Variants in UBE3B observed in about 807,000 individuals in gnomAD.
The protein encoded by UBE3B is ubiquitin protein ligase E3B, also known as ubiquitin-protein ligase E3B.
A neutral mutation model predicts 132.3 loss-of-function variants in UBE3B; 80 were observed. The ratio of observed to expected loss-of-function variants is 0.60; its 90% CI spans 0.50 to 0.73. The LOEUF is 0.73. Among genes scored for constraint, UBE3B ranks in the 30% least tolerant of loss-of-function variants. The pLI, the probability that UBE3B is intolerant of heterozygous loss-of-function variation, is 0.00. For missense variants in UBE3B, 1,196 were observed against 1,362.5 expected (o/e 0.88, Z 1.92); for synonymous variants, 487 against 520.4 (o/e 0.94, Z 0.87).
chr12:109,502,983 G>T (rs763349602), intron 13 of UBE3B, 40 bp from the exon 14 acceptor site: 12 of 1,612,628 alleles, frequency 7.4e-6, no homozygotes, highest in Non-Finnish European at 9.3e-6. Context: ...TTGGCAGCTG[G>T]CTGAGCTGCT....
At chr12:109,516,197 A>C (rs1296481728) in intron 18 of UBE3B, among the ~76,000 whole-genome samples, 1 of 113,652 alleles carries the variant, frequency 8.8e-6, no homozygotes, top group Non-Finnish European at 1.7e-5. Flanking sequence ...TTTGAGACAG[A>C]GTCTCACTCT....
rs771090476 is a variant in UBE3B, at chr12:109,497,923, G to A, written c.819G>A (p.Glu273=). The A allele has an allele frequency of 1.9e-6, 3 of 1,614,082 alleles. No homozygotes were observed. Among genetic ancestry groups the A allele is most frequent in the South Asian group, 1.1e-5 (1 of 91,082 alleles). Reference sequence around the variant, plus strand: ...CTCATCTCAGCACAGTGACCCCTGAGGTAAGCAGGCTCTGTGAGTTCCCCG... The same window carrying A: ...CTCATCTCAGCACAGTGACCCCTGAAGTAAGCAGGCTCTGTGAGTTCCCCG... ...LVTHLSTVTP[E]RLTVLESHDM... The change falls in exon 10 of 28, where the codon GAG becomes GAA. Residue 273 remains glutamate (E), a splice_region_variant and synonymous_variant. Coordinates refer to ENST00000342494, the MANE Select transcript of UBE3B (RefSeq NM_130466.4).
downstream of UBE3B, among the ~76,000 whole-genome samples, chr12:109,541,359 A>T (rs142614983): frequency 3.0e-3 from 451 of 151,976 alleles, 2 homozygotes; most frequent in African/African-American, 0.01. Flanking sequence ...GGATCACCAC[A>T]CCCACCCTCA....
intron 14 of UBE3B, among the ~76,000 whole-genome samples, chr12:109,504,920 C>T (rs1408890274): frequency 6.6e-6 from 1 of 152,074 alleles, no homozygotes; most frequent in Non-Finnish European, 1.5e-5. Flanking sequence ...ATTCTCCTGC[C>T]TCAGCCTCCC....
At chr12:109,493,531 A>G (rs1159891510) in intron 9 of UBE3B, among the ~76,000 whole-genome samples, 2 of 152,220 alleles carry the variant, frequency 1.3e-5, no homozygotes, top group Admixed American at 6.5e-5. Context: ...CTCTGTATGT[A>G]TTAGATTCCA....
At chr12:109,523,452 C>T (rs1038468292) in intron 21 of UBE3B, among the ~76,000 whole-genome samples, 1 of 152,234 alleles carries the variant, frequency 6.6e-6, no homozygotes, top group Non-Finnish European at 1.5e-5. Context: ...CCATTGCTTC[C>T]GTGCCCTCCA....
chr12:109,539,420 A>G (rs564911605), downstream of UBE3B, among the ~76,000 whole-genome samples: 4 of 152,330 alleles, frequency 2.6e-5, no homozygotes, highest in Admixed American at 2.6e-4. Flanking sequence ...TTACGAGGGC[A>G]TTAGAGAGAG....
chr12:109,510,793 AC>A (rs1414607677), intron 17 of UBE3B, among the ~76,000 whole-genome samples: 1 of 152,250 alleles, frequency 6.6e-6, no homozygotes, highest in Non-Finnish European at 1.5e-5. Flanking sequence ...TAGCAGAATT[AC>A]TAGAGTAAAA....
intron 9 of UBE3B, 118 bp downstream of exon 9, chr12:109,491,245 G>T: frequency 2.3e-6 from 2 of 877,396 alleles, no homozygotes; most frequent in South Asian, 2.1e-5. Flanking sequence ...CAGAATTTAT[G>T]GGAAGCATTG....
intron 12 of UBE3B, among the ~76,000 whole-genome samples, chr12:109,501,005 G>T (rs746999758): frequency 6.6e-6 from 1 of 152,152 alleles, no homozygotes; most frequent in African/African-American, 2.4e-5. Context: ...CACTGAGGAG[G>T]CTGCTGAGTC....
intron 22 of UBE3B, 75 bp downstream of exon 22, chr12:109,524,190 T>C: frequency 6.3e-7 from 1 of 1,586,072 alleles, no homozygotes; most frequent in South Asian, 1.1e-5. Flanking sequence ...CAGAAGGAGA[T>C]GGCCTGTCCT....
chr12:109,511,686 A>T (rs1272301800), intron 18 of UBE3B, among the ~76,000 whole-genome samples: 4 of 152,192 alleles, frequency 2.6e-5, no homozygotes, highest in South Asian at 2.1e-4. Flanking sequence ...TGGGGTCAAG[A>T]GGAAGCCGAG....
rs2136071221 is a variant in UBE3B at position 109,521,895 on chromosome 12, C to G, written c.2364+344C>G. On this transcript the variant is annotated intron_variant, in intron 21 of 27. Transcript: ENST00000342494. The surrounding 1 kb of genome is among the most constrained non-coding windows in gnomAD (Gnocchi z 4.2). ...GCCGGCCCAAGTCCTAAGGCCAGCC[C>G]TCTTCTTTCCTGAGGCATGAGGAGT... is the stretch of plus-strand genomic sequence containing the variant. Among the ~76,000 whole-genome samples the G allele has an allele frequency of 6.6e-6, 1 of 152,322 alleles. No homozygotes were observed. Among genetic ancestry groups the G allele is most frequent in the South Asian group, 2.1e-4 (1 of 4,828 alleles).
the UBE3B span, among the ~76,000 whole-genome samples, chr12:109,546,264 G>T: frequency 2.6e-5 from 4 of 152,158 alleles, no homozygotes; most frequent in Non-Finnish European, 5.9e-5. Flanking sequence ...GAATAGGCTG[G>T]GTGGCTCATC....
chr12:109,519,524 A>G (rs1881452892), intron 19 of UBE3B: 1 of 152,158 alleles, frequency 6.6e-6, no homozygotes, highest in African/African-American at 2.4e-5. Flanking sequence ...ATCCCATTTC[A>G]TCCACATAAC....
At chr12:109,533,120 TAAC>T (rs1301126453) in intron 26 of UBE3B, among the ~76,000 whole-genome samples, 1 of 151,898 alleles carries the variant, frequency 6.6e-6, no homozygotes, top group African/African-American at 2.4e-5. Flanking sequence ...CTGTTCCTCT[TAAC>T]AATCCCACAG....
rs1879212801 is a variant in UBE3B at position 109,503,186 on chromosome 12, C to T, written c.1446C>T (p.Leu482=). 1.2e-6 allele frequency: 2 copies of T among 1,613,980 alleles called. No individual in the cohort carries two copies. ...TCACACAGATTCGGCTGCAGATACT[C>T]ACAGGTTCGCAGTCCCCAGGGCATC... ...TTLTQIRLQI[L]TGLTYLDDLL... Residue 482 remains leucine, a synonymous_variant, in exon 14 of 28, where the codon CTC becomes CTT. Coordinates refer to ENST00000342494, the MANE Select transcript of UBE3B (RefSeq NM_130466.4).
intron 2 of UBE3B, among the ~76,000 whole-genome samples, chr12:109,482,153 T>C (rs190753239): frequency 2.0e-5 from 3 of 152,334 alleles, no homozygotes; most frequent in Admixed American, 1.3e-4. Flanking sequence ...TAGGAGATAA[T>C]ACTATTAAGT....
In UBE3B at chr12:109,483,929, T is replaced by G. The variant is rs1300637036; in HGVS notation, c.230T>G (p.Phe77Cys). The G allele has an allele frequency of 1.2e-6, 2 of 1,613,998 alleles. No homozygotes were observed. The change falls in exon 4 of 28, where the codon TTC becomes TGC. Residue 77 changes from phenylalanine (F) to cysteine (C), a missense_variant. Coordinates refer to ENST00000342494, the MANE Select transcript of UBE3B (RefSeq NM_130466.4). ...ACTAAAAGAAGTGCACTTTGTATTT[T>G]CAAGATTGCCAGGAAACTGCTGTTC... is the stretch of plus-strand genomic sequence containing the variant. Reference protein sequence around the residue: ...ESTKRSALCIFKIARKLLFLF... With the variant: ...ESTKRSALCICKIARKLLFLF...
Sources: allele counts gnomAD v4.1 joint callset (sites outside exome capture counted in the v4.1 genomes callset), GRCh38; gene constraint gnomAD v4.1.1; non-coding constraint Gnocchi (gnomAD v3.1); transcripts MANE v1.5; gene names NCBI Gene and HGNC (gene_info 2026-07-23, HGNC 2026-07-21).